The following ATF7IP variants were observed in gnomAD, a reference collection of about 807,000 sequenced individuals.
The protein encoded by ATF7IP is activating transcription factor 7 interacting protein, also known as activating transcription factor 7-interacting protein 1.
Under a neutral mutation model 106.4 loss-of-function variants are expected in ATF7IP, and 23 were observed. That is an observed-to-expected ratio of 0.22 (90% CI 0.16 to 0.31). The LOEUF (loss-of-function observed/expected upper bound fraction) is 0.31. Ranked by LOEUF, ATF7IP falls within the 10% of genes least tolerant of loss-of-function variation. The pLI, the probability that ATF7IP is intolerant of heterozygous loss-of-function variation, is 1.00. For missense variants in ATF7IP, 1,334 were observed against 1,524.3 expected (o/e 0.88, Z 2.08); for synonymous variants, 542 against 539.0 (o/e 1.01, Z -0.08).
intron 1 of ATF7IP, among the ~76,000 whole-genome samples, chr12:14,407,143 T>C (rs908401284): frequency 8.5e-5 from 13 of 152,316 alleles, no homozygotes; most frequent in South Asian, 6.2e-4. Context: ...TAGTGTCAAA[T>C]ATATGAATTC....
At chr12:14,489,452 A>G (rs1591969806) in intron 13 of ATF7IP, among the ~76,000 whole-genome samples, 1 of 152,122 alleles carries the variant, frequency 6.6e-6, no homozygotes, top group Non-Finnish European at 1.5e-5. Context: ...AGGCCAGCAG[A>G]ACGTAATGTC....
intron 11 of ATF7IP, among the ~76,000 whole-genome samples, chr12:14,477,584 T>C (rs1944301878): frequency 6.6e-6 from 1 of 152,208 alleles, no homozygotes. Context: ...ATGGGGTCTT[T>C]TTGTTGCCCC....
At chr12:14,497,264 C>T (rs1160125811) in intron 14 of ATF7IP, among the ~76,000 whole-genome samples, 3 of 152,114 alleles carry the variant, frequency 2.0e-5, no homozygotes, top group African/African-American at 7.2e-5. Flanking sequence ...GGTTGCCATA[C>T]ATGATATTTA....
intron 8 of ATF7IP, among the ~76,000 whole-genome samples, chr12:14,459,978 T>C (rs1943578774): frequency 6.6e-6 from 1 of 152,196 alleles, no homozygotes; most frequent in African/African-American, 2.4e-5. Context: ...TCCCAAGGAA[T>C]TCAATCAAAC....
chr12:14,498,751 A>G lies in ATF7IP; in HGVS notation c.*678A>G, dbSNP rs1045590784. On this transcript the variant is annotated 3_prime_UTR_variant, in exon 15 of 15. Transcript: ENST00000261168. The stretch of plus-strand genomic sequence containing the variant: ...TAAACATGGCCAAAAATAAATAAAT[A>G]AATATGGCCATATGTCCGTTGTTGC... 2 of 152,658 alleles carry G rather than the reference A, an allele frequency of 1.3e-5. No individual in the cohort carries two copies. 9.5% of individuals were successfully genotyped at this position (152,658 alleles called of 1,614,324 possible). A position where few individuals can be genotyped will look rare whatever the true frequency, so the allele number is the denominator to read the frequency against.
rs953595639 is a variant in ATF7IP at position 14,499,149 on chromosome 12, T to G, written c.*1076T>G. 1 of 152,136 alleles carries G rather than the reference T, an allele frequency of 6.6e-6. No homozygotes were observed. Among genetic ancestry groups the G allele is most frequent in the Non-Finnish European group, 1.5e-5 (1 of 68,046 alleles). The allele number at this position is 152,136 out of a possible 1,614,324, so 9.4% of individuals were successfully genotyped here. On this transcript the variant is annotated 3_prime_UTR_variant, in exon 15 of 15. Coordinates refer to ENST00000261168, the MANE Select transcript of ATF7IP (RefSeq NM_018179.5). ...TTGTGAGCCACTGTATCCAGCCTACTCAAGTGATTTTTAAACCAAGGTGTG... is the reference window on the plus strand; with the variant it reads ...TTGTGAGCCACTGTATCCAGCCTACGCAAGTGATTTTTAAACCAAGGTGTG...
chr12:14,410,350 A>G (rs1940845804), intron 1 of ATF7IP, among the ~76,000 whole-genome samples: 1 of 152,108 alleles, frequency 6.6e-6, no homozygotes. Context: ...TAGGATATGA[A>G]CCATCCCTTT....
intron 10 of ATF7IP, among the ~76,000 whole-genome samples, chr12:14,473,290 C>CTGTGTGTGTG (rs869266316): frequency 6.9e-5 from 9 of 129,918 alleles, no homozygotes; most frequent in African/African-American, 8.9e-5. Context: ...CTCTCTCTCT[C>CTGTGTGTGTG]TGTGTGTGTG....
At position 14,434,439 on chromosome 12, in the gene ATF7IP, CAAACTT is replaced by C. The variant is rs1942301250; in HGVS notation, c.1645+17_1645+22del. ...TCTGAGAAAAGTATGCATGTATAAACAAACTTGAACTGGATTGAAAAATAATAATTC... is the reference window on the plus strand; with the variant it reads ...TCTGAGAAAAGTATGCATGTATAAACGAACTGGATTGAAAAATAATAATTC... On this transcript the variant is annotated intron_variant, in intron 3 of 14. Transcript: ENST00000261168. 1 of 1,260,192 alleles carries C rather than the reference CAAACTT, an allele frequency of 7.9e-7. No individual in the cohort carries two copies. The highest frequency in any genetic ancestry group is 1.2e-6 in the Non-Finnish European group (1 of 868,100). 78.1% of individuals were successfully genotyped at this position (1,260,192 alleles called of 1,614,324 possible). A position where few individuals can be genotyped will look rare whatever the true frequency, so the allele number is the denominator to read the frequency against.
At position 14,370,315 on chromosome 12, in the gene ATF7IP, G is replaced by A. The variant is rs1242030824; in HGVS notation, c.-8+4488G>A. Among the ~76,000 whole-genome samples the A allele has an allele frequency of 2.6e-5, 4 of 152,272 alleles. No homozygotes were observed. In the East Asian group the frequency reaches 7.7e-4, roughly 29 times the overall value. On this transcript the variant is annotated intron_variant, in intron 1 of 14. Coordinates refer to ENST00000261168, the MANE Select transcript of ATF7IP (RefSeq NM_018179.5). ...GAATATATGATATAAAGTTTAAACAGAGGTTGACAATGACTGTATCTGGGC... is the reference window on the plus strand; with the variant it reads ...GAATATATGATATAAAGTTTAAACAAAGGTTGACAATGACTGTATCTGGGC...
chr12:14,449,446 C>G (rs1483178518), intron 6 of ATF7IP, among the ~76,000 whole-genome samples: 1 of 151,934 alleles, frequency 6.6e-6, no homozygotes, highest in Non-Finnish European at 1.5e-5. Flanking sequence ...ATCATTTGAC[C>G]GTATATGTGA....
rs1206306341 is a variant in ATF7IP at position 14,444,990 on chromosome 12, G to GTT, written c.1930-1980_1930-1979dup. The stretch of plus-strand genomic sequence containing the variant: ...ATGCAATTTTTAGTGTAACCACCTA[G>GTT]TTTTTTTTTTTTTTTTTTTGAGACA... On this transcript the variant is annotated intron_variant, in intron 5 of 14. Transcript: ENST00000261168. Among the ~76,000 whole-genome samples, 267 of 131,514 alleles carry GTT rather than the reference G, an allele frequency of 2.0e-3. 4 individuals are homozygous for GTT. Among genetic ancestry groups the GTT allele is most frequent in the African/African-American group, 6.1e-3 (215 of 35,118 alleles). 86.3% of individuals were successfully genotyped at this position (131,514 alleles called of 152,430 possible).
intron 1 of ATF7IP, among the ~76,000 whole-genome samples, chr12:14,377,583 C>T (rs1246259849): frequency 1.3e-5 from 2 of 151,520 alleles, no homozygotes; most frequent in Non-Finnish European, 2.9e-5. Flanking sequence ...TCTCGATCTC[C>T]TGACCTCGTG....
At position 14,471,294 on chromosome 12, in the gene ATF7IP, G is replaced by A. The variant is rs1205272885; in HGVS notation, c.2863-4596G>A. ...TATAAATGTCAATATAGCATGGTTA[G>A]TAGTGTAATTTGGATTATTTGTATG... On this transcript the variant is annotated intron_variant, in intron 10 of 14. Coordinates refer to ENST00000261168, the MANE Select transcript of ATF7IP (RefSeq NM_018179.5). Among the ~76,000 whole-genome samples, 2 of 152,174 alleles carry A rather than the reference G, an allele frequency of 1.3e-5. 1 individual carries two copies. The highest frequency in any genetic ancestry group is 4.1e-4 in the South Asian group (2 of 4,830).
intron 10 of ATF7IP, 135 bp from the exon 11 acceptor site, chr12:14,475,755 C>A: frequency 1.7e-6 from 1 of 586,852 alleles, no homozygotes; most frequent in Non-Finnish European, 3.0e-6. Context: ...TCTCTTTATT[C>A]AGGTACAGCC....
intron 1 of ATF7IP, among the ~76,000 whole-genome samples, chr12:14,366,242 A>C (rs539895466): frequency 5.9e-5 from 9 of 152,296 alleles, no homozygotes; most frequent in African/African-American, 2.2e-4. Flanking sequence ...TTGTGGACTT[A>C]ATTTTCTGTA....
At chr12:14,365,996 C>G (rs1364304646) in intron 1 of ATF7IP, among the ~76,000 whole-genome samples, 169 bp downstream of exon 1, 1 of 152,178 alleles carries the variant, frequency 6.6e-6, no homozygotes, top group Non-Finnish European at 1.5e-5. Flanking sequence ...CGGGGTCGGG[C>G]TCTAGCTGCA....
chr12:14,436,832 G>T (rs965023484), intron 4 of ATF7IP, among the ~76,000 whole-genome samples: 1 of 150,780 alleles, frequency 6.6e-6, no homozygotes, highest in African/African-American at 2.4e-5. Flanking sequence ...GGGAGAGAAG[G>T]TAACATTTTT....
intron 1 of ATF7IP, among the ~76,000 whole-genome samples, chr12:14,397,790 G>T (rs1375357176): frequency 6.6e-6 from 1 of 151,982 alleles, no homozygotes; most frequent in Non-Finnish European, 1.5e-5. Flanking sequence ...TCTTTAGCAT[G>T]GTCATCCCAC....
Sources: allele counts gnomAD v4.1 joint callset (sites outside exome capture counted in the v4.1 genomes callset), GRCh38; gene constraint gnomAD v4.1.1; transcripts MANE v1.5; gene names NCBI Gene and HGNC (gene_info 2026-07-23, HGNC 2026-07-21).